The following AKIP1 variants were observed in gnomAD, a reference collection of about 807,000 sequenced individuals.
AKIP1 encodes A-kinase-interacting protein 1.
A neutral mutation model predicts 22.3 loss-of-function variants in AKIP1; 18 were observed. The ratio of observed to expected loss-of-function variants is 0.81; its 90% CI spans 0.56 to 1.19. The LOEUF is 1.19. Ranked by LOEUF, AKIP1 falls within the 50% of genes most tolerant of loss-of-function variation. The pLI is 0.00. For missense variants in AKIP1, 287 were observed against 264.6 expected (o/e 1.08, Z -0.59); for synonymous variants, 120 against 102.7 (o/e 1.17, Z -1.02).
At chr11:8,911,789 A>T in intron 2 of AKIP1, 118 bp downstream of exon 2, 1 of 1,043,584 alleles carries the variant, frequency 9.6e-7, no homozygotes, top group South Asian at 1.7e-5. Flanking sequence ...GAAGCTGGAA[A>T]GGATCAGAAC....
chr11:8,914,253 G>C (rs1348439591), intron 3 of AKIP1, among the ~76,000 whole-genome samples: 1 of 152,222 alleles, frequency 6.6e-6, no homozygotes, highest in South Asian at 2.1e-4. Flanking sequence ...AAGCAGACAA[G>C]AGAAATGTAA....
intron 1 of AKIP1, 42 bp downstream of exon 1, chr11:8,911,265 G>C: frequency 1.7e-6 from 1 of 599,328 alleles, no homozygotes; most frequent in South Asian, 2.0e-5. Context: ...AGATGAAAAT[G>C]GAAGGGGCGG....
At chr11:8,912,415 C>T (rs1369148703) in intron 2 of AKIP1, 38 bp from the exon 3 acceptor site, 2 of 1,558,854 alleles carry the variant, frequency 1.3e-6, no homozygotes, top group South Asian at 2.2e-5. Flanking sequence ...AGTAGGGAAT[C>T]CTAGAGCTAA....
chr11:8,914,888 C>T lies in AKIP1; in HGVS notation c.366C>T (p.Gly122=), dbSNP rs759687324. 23 of 1,613,748 alleles carry T rather than the reference C, an allele frequency of 1.4e-5. No homozygotes were observed. Among genetic ancestry groups the T allele is most frequent in the African/African-American group, 5.3e-5 (4 of 74,886 alleles). Residue 122 remains glycine (G), a synonymous_variant, in exon 4 of 6, where the codon GGC becomes GGT. Transcript: ENST00000309377. ...GATHVYRYHR[G]ESKLHMCLDI... is the part of the protein sequence containing the mutation. ...CCCATGTCTATCGTTATCACAGAGG[C>T]GAGTCGAAGCTGCACATGTGCTTGG...
intron 5 of AKIP1, among the ~76,000 whole-genome samples, chr11:8,918,568 G>A (rs2064523117): frequency 6.6e-6 from 1 of 152,174 alleles, no homozygotes; most frequent in Non-Finnish European, 1.5e-5. Context: ...CATCCCAGGT[G>A]TCACTCTGGC....
At chr11:8,912,791 T>A (rs531743879) in intron 3 of AKIP1, among the ~76,000 whole-genome samples, 1 of 151,786 alleles carries the variant, frequency 6.6e-6, no homozygotes, top group Non-Finnish European at 1.5e-5. Flanking sequence ...CCCTCAGTGA[T>A]CTTTCAGTCT....
chr11:8,919,406 A>G lies in AKIP1; in HGVS notation c.559A>G (p.Asn187Asp). 1 of 1,614,198 alleles carries G rather than the reference A, an allele frequency of 6.2e-7. No homozygotes were observed. The highest frequency in any genetic ancestry group is 8.5e-7 in the Non-Finnish European group (1 of 1,180,024). Residue 187 changes from asparagine (N) to aspartate (D), a missense_variant, in exon 6 of 6, where the codon AAT becomes GAT. Asn to Asp is a conservative substitution (Grantham distance 23). Coordinates refer to ENST00000309377, the MANE Select transcript of AKIP1 (RefSeq NM_020642.4). ...PGTYSVTVGSNDLTKKTHVVA... is the reference protein window; with the variant it reads ...PGTYSVTVGSDDLTKKTHVVA... ...GACCTATTCTGTCACTGTGGGCTCAAATGACTTAACCAAGAAGACTCATGT... is the reference window on the plus strand; with the variant it reads ...GACCTATTCTGTCACTGTGGGCTCAGATGACTTAACCAAGAAGACTCATGT...
chr11:8,913,226 G>T (rs2064427504), intron 3 of AKIP1, among the ~76,000 whole-genome samples: 2 of 144,742 alleles, frequency 1.4e-5, no homozygotes, highest in Non-Finnish European at 3.0e-5. Context: ...CATCACCCAG[G>T]CTGGTGTGCA....
intron 5 of AKIP1, 121 bp from the exon 6 acceptor site, chr11:8,919,216 T>C (rs2064535737): frequency 2.1e-6 from 2 of 932,312 alleles, no homozygotes; most frequent in Non-Finnish European, 3.3e-6. Context: ...GCAGGACCTC[T>C]GTCTCCCACA....
At chr11:8,918,340 A>G (rs1560569) in intron 5 of AKIP1, among the ~76,000 whole-genome samples, 55,880 of 152,168 alleles carry the variant, frequency 0.37, 11,077 homozygotes, top group Non-Finnish European at 0.43. Flanking sequence ...CTGGACAGGC[A>G]TGAAAGAATA....
rs765921319 is a variant in AKIP1 at position 8,911,563 on chromosome 11, C to T, written c.114C>T (p.Asp38=). The T allele has an allele frequency of 1.2e-6, 2 of 1,611,292 alleles. No individual in the cohort carries two copies. Among genetic ancestry groups the T allele is most frequent in the Non-Finnish European group, 1.7e-6 (2 of 1,179,126 alleles). ...AGAGGGCCAAGAGGAGGGCGGTGGA[C>T]TGGCATGCCCTGGAGCGTCCCAAAG... ...VLERAKRRAV[D]WHALERPKGC... The change falls in exon 2 of 6, where the codon GAC becomes GAT. Residue 38 remains aspartate, a synonymous_variant. Transcript: ENST00000309377.
intron 4 of AKIP1, among the ~76,000 whole-genome samples, chr11:8,916,493 C>T (rs1372540175): frequency 6.6e-6 from 1 of 152,088 alleles, no homozygotes; most frequent in Non-Finnish European, 1.5e-5. Flanking sequence ...TTTAACCTAC[C>T]CTACTTGTAC....
chr11:8,914,678 A>G, intron 3 of AKIP1, 148 bp from the exon 4 acceptor site: 1 of 587,574 alleles, frequency 1.7e-6, no homozygotes, highest in South Asian at 2.0e-5. Flanking sequence ...GGTTTGTTGC[A>G]TGACTTCAGA....
At position 8,919,569 on chromosome 11, in the gene AKIP1, CTGTTTTTAG is replaced by C; in HGVS notation, c.*92_*100del. 7.0e-7 allele frequency: 1 copy of C among 1,424,676 alleles called. No individual in the cohort carries two copies. The highest frequency in any genetic ancestry group is 9.6e-7 in the Non-Finnish European group (1 of 1,041,174). 88.3% of individuals were successfully genotyped at this position (1,424,676 alleles called of 1,614,324 possible). A position where few individuals can be genotyped will look rare whatever the true frequency, so the allele number is the denominator to read the frequency against. ...TTCTCTTAATAGCTATACATTAATC[CTGTTTTTAG>C]TGCTGACTGGGTCAGCCTTCCGGGA... On this transcript the variant is annotated 3_prime_UTR_variant, in exon 6 of 6. Coordinates refer to ENST00000309377, the MANE Select transcript of AKIP1 (RefSeq NM_020642.4).
At position 8,917,356 on chromosome 11, in the gene AKIP1, G is replaced by C. The variant is rs2064501219; in HGVS notation, c.478G>C (p.Ala160Pro). The C allele has an allele frequency of 6.2e-7, 1 of 1,613,536 alleles. No homozygotes were observed. ...SYQISEHAPEASQPAENISKD... is the reference protein window; with the variant it reads ...SYQISEHAPEPSQPAENISKD... ...TCAAATATCAGAGCATGCTCCAGAGGCATCCCAGCCTGTGAGTACGGAACT... is the reference window on the plus strand; with the variant it reads ...TCAAATATCAGAGCATGCTCCAGAGCCATCCCAGCCTGTGAGTACGGAACT... Residue 160 changes from alanine to proline, a missense_variant, in exon 5 of 6, where the codon GCA becomes CCA. Coordinates refer to ENST00000309377, the MANE Select transcript of AKIP1 (RefSeq NM_020642.4).
intron 3 of AKIP1, among the ~76,000 whole-genome samples, chr11:8,914,589 T>C (rs1181877148): frequency 1.3e-5 from 2 of 152,218 alleles, no homozygotes; most frequent in Admixed American, 1.3e-4. Context: ...GCCAGCGTTC[T>C]TGCCCTATGG....
At chr11:8,912,826 C>T (rs1201153158) in intron 3 of AKIP1, among the ~76,000 whole-genome samples, 1 of 150,346 alleles carries the variant, frequency 6.7e-6, no homozygotes, top group East Asian at 1.9e-4. Flanking sequence ...AGCTTATTTG[C>T]CGAATTTCAT....
chr11:8,912,052 C>T (rs2064375213), intron 2 of AKIP1, among the ~76,000 whole-genome samples: 1 of 151,902 alleles, frequency 6.6e-6, no homozygotes, highest in Non-Finnish European at 1.5e-5. Context: ...ACAAAATTAG[C>T]CGGGCGTGGT....
intron 3 of AKIP1, among the ~76,000 whole-genome samples, chr11:8,914,235 G>A (rs2064442679): frequency 6.6e-6 from 1 of 152,218 alleles, no homozygotes; most frequent in Non-Finnish European, 1.5e-5. Context: ...CTTTGAGGGG[G>A]AGGAAGGAAG....
Sources: gnomAD v4.1 joint callset for allele counts (sites outside exome capture counted in the v4.1 genomes callset) on GRCh38, gnomAD v4.1.1 for gene constraint, MANE v1.5 for transcripts, NCBI Gene and HGNC (gene_info 2026-07-23, HGNC 2026-07-21) for gene names.